NEDD1: variants seen among roughly 807,000 people sequenced by gnomAD.
NEDD1 encodes protein NEDD1.
A neutral mutation model predicts 74.0 loss-of-function variants in NEDD1; 33 were observed. The observed-to-expected ratio is 0.45, with a 90% CI of 0.34 to 0.60. NEDD1 has a LOEUF of 0.60. Among genes scored for constraint, NEDD1 ranks in the 20% least tolerant of loss-of-function variants. NEDD1 has a pLI of 0.01. For missense variants in NEDD1, 746 were observed against 776.5 expected (o/e 0.96, Z 0.47); for synonymous variants, 250 against 264.4 (o/e 0.95, Z 0.53).
At chr12:96,930,617 G>A (rs1876353191) in intron 6 of NEDD1, among the ~76,000 whole-genome samples, 1 of 152,092 alleles carries the variant, frequency 6.6e-6, no homozygotes, top group African/African-American at 2.4e-5. Context: ...CTCCCAGAAG[G>A]AAATTAGGTG....
rs555575064 is a variant in NEDD1, at chr12:96,909,811, G to C, written c.52G>C (p.Asp18His). Residue 18 changes from aspartate to histidine, a missense_variant, in exon 3 of 16, where the codon GAT becomes CAT. Physicochemically the swap from Asp to His is moderately conservative, Grantham distance 81. This residue lies in a region of NEDD1 where 11 missense variants were observed against 19.0 expected (regional missense o/e 0.58). Coordinates refer to ENST00000266742, the MANE Select transcript of NEDD1 (RefSeq NM_152905.4). ...ASSGDDIKIWDASSMTLVDKF... is the reference protein window; with the variant it reads ...ASSGDDIKIWHASSMTLVDKF... The stretch of plus-strand genomic sequence containing the variant: ...ATCAGGAGATGATATTAAAATATGG[G>C]ATGCTTCATCTATGACATTGGTGGA... The C allele has an allele frequency of 6.2e-7, 1 of 1,613,218 alleles. No homozygotes were observed. The highest frequency in any genetic ancestry group is 1.1e-5 in the South Asian group (1 of 91,042).
chr12:96,945,209 T>C (rs1359014410), intron 13 of NEDD1, among the ~76,000 whole-genome samples: 1 of 152,092 alleles, frequency 6.6e-6, no homozygotes, highest in African/African-American at 2.4e-5. Flanking sequence ...CTAAGAGTTA[T>C]CTACACAAAG....
chr12:96,914,593 T>C (rs962413821), intron 4 of NEDD1, among the ~76,000 whole-genome samples: 2 of 152,202 alleles, frequency 1.3e-5, no homozygotes, highest in African/African-American at 4.8e-5. Context: ...GCTAATAACC[T>C]TTTTGTAACT....
At chr12:96,937,487 C>A (rs1027353619) in intron 9 of NEDD1, 94 bp downstream of exon 9, 5 of 572,014 alleles carry the variant, frequency 8.7e-6, no homozygotes, top group South Asian at 7.9e-5. Context: ...TCTTCAAGAA[C>A]ATAGAACTCA....
At chr12:96,910,812 T>C (rs1873843364) in intron 3 of NEDD1, among the ~76,000 whole-genome samples, 1 of 152,232 alleles carries the variant, frequency 6.6e-6, no homozygotes, top group Non-Finnish European at 1.5e-5. Flanking sequence ...AAATTTTCTT[T>C]TGTGAAACTC....
intron 6 of NEDD1, among the ~76,000 whole-genome samples, chr12:96,925,589 G>T (rs1230269139): frequency 6.6e-6 from 1 of 152,030 alleles, no homozygotes; most frequent in African/African-American, 2.4e-5. Flanking sequence ...AAAAGCTTCT[G>T]GAAACTTTAC....
rs972611617 is a variant in NEDD1, at chr12:96,952,258, A to C, written c.*205A>C. 1 of 344,630 alleles carries C rather than the reference A, an allele frequency of 2.9e-6. No individual in the cohort carries two copies. The highest frequency in any genetic ancestry group is 2.1e-5 in the African/African-American group (1 of 46,780). The allele number at this position is 344,630 out of a possible 1,614,324, so 21.3% of individuals were successfully genotyped here. On this transcript the variant is annotated 3_prime_UTR_variant, in exon 16 of 16. Coordinates refer to ENST00000266742, the MANE Select transcript of NEDD1 (RefSeq NM_152905.4). ...TTAAAAATTGTACAGTATGTCATCT[A>C]CCCAATAGGAAAGTCAACAGGATCT...
At position 96,944,762 on chromosome 12, in the gene NEDD1, T is replaced by C. The variant is rs778045624; in HGVS notation, c.1621T>C (p.Cys541Arg). 8.2e-6 allele frequency: 13 copies of C among 1,581,006 alleles called. No homozygotes were observed. Among genetic ancestry groups the C allele is most frequent in the Admixed American group, 3.7e-5 (2 of 53,758 alleles). Reference protein sequence around the residue: ...PENEIEAQLICEPPINGSSTP... With the variant: ...PENEIEAQLIREPPINGSSTP... ...GAATGAAATTGAAGCCCAGTTGATA[T>C]GTGAACCCCCAATCAATGGATCCTC... The change falls in exon 13 of 16, where the codon TGT becomes CGT. Residue 541 changes from cysteine to arginine, a missense_variant. Cys to Arg is a radical substitution (Grantham distance 180). Transcript: ENST00000266742.
intron 6 of NEDD1, among the ~76,000 whole-genome samples, chr12:96,924,135 C>T (rs1302462310): frequency 1.3e-5 from 2 of 152,172 alleles, no homozygotes; most frequent in Non-Finnish European, 2.9e-5. Context: ...ACCAACCTAT[C>T]CCCACTGAAT....
At chr12:96,943,825 G>A in intron 12 of NEDD1, 63 bp downstream of exon 12, 1 of 1,001,112 alleles carries the variant, frequency 1.0e-6, no homozygotes, top group South Asian at 1.4e-5. Flanking sequence ...GTGGGTGGCT[G>A]CCAGTGCATG....
Position 96,912,788 on chromosome 12 carries a change from C to A in NEDD1, c.202C>A (p.Pro68Thr), listed in dbSNP as rs1017795707. 6.2e-7 allele frequency: 1 copy of A among 1,605,878 alleles called. No homozygotes were observed. Among genetic ancestry groups the A allele is most frequent in the Admixed American group, 1.7e-5 (1 of 59,842 alleles). The change falls in exon 4 of 16, where the codon CCT becomes ACT. Residue 68 changes from proline to threonine, a missense_variant. Pro to Thr is a conservative substitution (Grantham distance 38, BLOSUM62 -1). This residue lies in a region of NEDD1 where 706 missense variants were observed against 706.7 expected (regional missense o/e 1.00). Coordinates refer to ENST00000266742, the MANE Select transcript of NEDD1 (RefSeq NM_152905.4). ...KIVVSSCKCK[P>T]VPLLELAEGQ... ...AGTTGTCTCAAGTTGCAAATGTAAA[C>A]CTGTTCCACTTTTAGAGCTTGCTGA...
intron 5 of NEDD1, among the ~76,000 whole-genome samples, chr12:96,919,054 T>C (rs1874777820): frequency 6.6e-6 from 1 of 152,216 alleles, no homozygotes; most frequent in South Asian, 2.1e-4. Context: ...GCTTAGTTTG[T>C]TTGTATTATT....
intron 6 of NEDD1, among the ~76,000 whole-genome samples, chr12:96,922,753 A>G (rs1565792434): frequency 6.6e-6 from 1 of 152,224 alleles, no homozygotes; most frequent in Non-Finnish European, 1.5e-5. Context: ...AAATCAAGAT[A>G]TAGAACATTG....
At chr12:96,916,487 T>C (rs926293986) in intron 4 of NEDD1, among the ~76,000 whole-genome samples, 1 of 130,604 alleles carries the variant, frequency 7.7e-6, no homozygotes, top group Non-Finnish European at 1.6e-5. Context: ...TTCCCACCTA[T>C]GAGTGAGAAT....
At chr12:96,920,150 A>T in intron 6 of NEDD1, 25 bp downstream of exon 6, 6 of 1,449,924 alleles carry the variant, frequency 4.1e-6, no homozygotes, top group Non-Finnish European at 5.6e-6. Flanking sequence ...TATTCAGAGT[A>T]AAATTGGTAA....
At chr12:96,949,769 A>G (rs1213789022) in intron 14 of NEDD1, among the ~76,000 whole-genome samples, 1 of 152,134 alleles carries the variant, frequency 6.6e-6, no homozygotes, top group Non-Finnish European at 1.5e-5. Flanking sequence ...GAGAGGTAGC[A>G]TTGCAGATTT....
At chr12:96,932,779 T>TTCTG (rs1876687228) in intron 6 of NEDD1, among the ~76,000 whole-genome samples, 1 of 151,564 alleles carries the variant, frequency 6.6e-6, no homozygotes, top group African/African-American at 2.4e-5. Flanking sequence ...AGTTATGAAC[T>TTCTG]TCTGGAAATG....
At chr12:96,913,791 G>C (rs1007627219) in intron 4 of NEDD1, among the ~76,000 whole-genome samples, 74 of 152,092 alleles carry the variant, frequency 4.9e-4, no homozygotes, top group African/African-American at 1.8e-3. Flanking sequence ...TAAATAAAAA[G>C]ATATGGTAGT....
chr12:96,926,550 A>AT (rs771117247), intron 6 of NEDD1, among the ~76,000 whole-genome samples: 166 of 140,666 alleles, frequency 1.2e-3, no homozygotes, highest in East Asian at 5.1e-3. Flanking sequence ...AACCTTTGGA[A>AT]TTTTTTTTTT....
Sources: allele counts gnomAD v4.1 joint callset (sites outside exome capture counted in the v4.1 genomes callset), GRCh38; gene constraint gnomAD v4.1.1; regional missense constraint gnomAD v4.1.1; transcripts MANE v1.5; gene names NCBI Gene and HGNC (gene_info 2026-07-23, HGNC 2026-07-21).